PRKCA: variants seen among roughly 807,000 people sequenced by gnomAD.
PRKCA encodes the protein protein kinase C alpha.
A neutral mutation model predicts 87.0 loss-of-function variants in PRKCA; 27 were observed. The ratio of observed to expected loss-of-function variants is 0.31; its 90% confidence interval spans 0.23 to 0.43. PRKCA has a LOEUF of 0.43. PRKCA is among the 20% of genes least tolerant of loss of function. PRKCA has a pLI of 1.00. For missense variants in PRKCA, 518 were observed against 852.3 expected, an observed-to-expected ratio of 0.61 and a Z score of 4.88; for synonymous variants, 329 against 311.1, an observed-to-expected ratio of 1.06 and a Z score of -0.61.
chr17:66,540,327 A>G (rs1967939420), intron 3 of PRKCA, among the ~76,000 whole-genome samples: 2 of 152,196 alleles, frequency 1.3e-5, no homozygotes, highest in African/African-American at 4.8e-5. Flanking sequence ...TGGAGCCCTG[A>G]CTGTCTCTAA....
At chr17:66,653,342 C>T (rs183071273) in intron 5 of PRKCA, among the ~76,000 whole-genome samples, 57 of 152,254 alleles carry the variant, frequency 3.7e-4, no homozygotes, top group Admixed American at 3.2e-3. Flanking sequence ...TCCTGTAGTC[C>T]CAGCTACTCA....
intron 8 of PRKCA, among the ~76,000 whole-genome samples, chr17:66,715,809 C>G (rs1484709016): frequency 6.6e-6 from 1 of 152,070 alleles, no homozygotes; most frequent in African/African-American, 2.4e-5. Context: ...TGGGACTTCA[C>G]CTCGGTAAGG....
intron 3 of PRKCA, among the ~76,000 whole-genome samples, chr17:66,577,290 T>A (rs553153481): frequency 6.6e-6 from 1 of 152,260 alleles, no homozygotes; most frequent in Admixed American, 6.5e-5. Context: ...GCGATGGGGA[T>A]CTTTGCATCC....
chr17:66,302,723 C>G lies in PRKCA; in HGVS notation c.-129C>G, dbSNP rs1904567617. 1.5e-5 allele frequency: 9 copies of G among 589,194 alleles called. No homozygotes were observed. The highest frequency in any genetic ancestry group is 2.0e-5 in the African/African-American group (1 of 48,866). 36.5% of individuals were successfully genotyped at this position (589,194 alleles called of 1,614,324 possible). On this transcript the variant is annotated 5_prime_UTR_variant, in exon 1 of 17. Coordinates refer to ENST00000413366, the MANE Select transcript of PRKCA (RefSeq NM_002737.3). ...CCCCGCCGCGCCCCCTCGCCGCGAC[C>G]TCGGCCACCGGCCCGCGCCCCGCGC... is the stretch of plus-strand genomic sequence containing the variant.
chr17:66,756,434 G>A (rs879510371), intron 13 of PRKCA, among the ~76,000 whole-genome samples: 5 of 151,916 alleles, frequency 3.3e-5, no homozygotes, highest in Admixed American at 1.3e-4. Context: ...TCGTCGGACC[G>A]TAGCACACTT....
chr17:66,307,547 G>A (rs140697649), intron 2 of PRKCA, among the ~76,000 whole-genome samples: 19 of 152,256 alleles, frequency 1.2e-4, no homozygotes, highest in Middle Eastern at 3.4e-3. Context: ...GCTTGTCTGG[G>A]AGAAAGTGGT....
chr17:66,420,337 C>T (rs1307976872), intron 2 of PRKCA, among the ~76,000 whole-genome samples: 2 of 152,062 alleles, frequency 1.3e-5, no homozygotes, highest in African/African-American at 4.8e-5. Flanking sequence ...GTTTATGAAG[C>T]ATCAGCTTTG....
chr17:66,326,624 C>G (rs1387891350), intron 2 of PRKCA, among the ~76,000 whole-genome samples: 1 of 152,170 alleles, frequency 6.6e-6, no homozygotes, highest in South Asian at 2.1e-4. Flanking sequence ...TAATTGTGTG[C>G]CTGCCTCATG....
At chr17:66,385,360 A>G (rs916476721) in intron 2 of PRKCA, among the ~76,000 whole-genome samples, 5 of 152,226 alleles carry the variant, frequency 3.3e-5, no homozygotes, top group African/African-American at 1.2e-4. Flanking sequence ...TTTCATGGGA[A>G]TCAAGAACCT....
intron 12 of PRKCA, among the ~76,000 whole-genome samples, chr17:66,742,032 C>T (rs1170745742): frequency 6.6e-6 from 1 of 152,098 alleles, no homozygotes; most frequent in Non-Finnish European, 1.5e-5. Flanking sequence ...AACTGAATTC[C>T]TGTTATAGAT....
intron 3 of PRKCA, among the ~76,000 whole-genome samples, chr17:66,558,587 T>G (rs1968576079): frequency 6.6e-6 from 1 of 152,106 alleles, no homozygotes; most frequent in Non-Finnish European, 1.5e-5. Flanking sequence ...AGGAATCTGA[T>G]TCTCATCCAG....
intron 3 of PRKCA, among the ~76,000 whole-genome samples, chr17:66,531,663 TC>T (rs1250162331): frequency 6.6e-6 from 1 of 152,212 alleles, no homozygotes; most frequent in Non-Finnish European, 1.5e-5. Flanking sequence ...TTTGGTGGCC[TC>T]CTGTCACTGC....
At chr17:66,418,259 A>T (rs1461172413) in intron 2 of PRKCA, among the ~76,000 whole-genome samples, 1 of 152,192 alleles carries the variant, frequency 6.6e-6, no homozygotes, top group Non-Finnish European at 1.5e-5. Context: ...TAGTAAATGT[A>T]TATATGCATA....
intron 3 of PRKCA, among the ~76,000 whole-genome samples, chr17:66,578,189 C>T (rs1436922745): frequency 6.6e-6 from 1 of 151,606 alleles, no homozygotes; most frequent in Non-Finnish European, 1.5e-5. Flanking sequence ...TTGATATTTG[C>T]CTTTCATCTC....
intron 2 of PRKCA, among the ~76,000 whole-genome samples, chr17:66,322,840 A>T (rs1033149097): frequency 2.2e-4 from 33 of 152,158 alleles, no homozygotes; most frequent in Admixed American, 2.2e-3. Flanking sequence ...TGTAAAATAA[A>T]ACACATACAG....
chr17:66,420,169 G>A (rs558349821), intron 2 of PRKCA, among the ~76,000 whole-genome samples: 11 of 151,880 alleles, frequency 7.2e-5, no homozygotes, highest in Non-Finnish European at 1.3e-4. Flanking sequence ...ATGCCACCAC[G>A]CCCGGCTAAT....
intron 3 of PRKCA, among the ~76,000 whole-genome samples, chr17:66,548,788 T>A (rs1019548842): frequency 2.1e-5 from 3 of 145,594 alleles, no homozygotes; most frequent in African/African-American, 7.9e-5. Context: ...TCCTAGCGCC[T>A]ACCGAATACG....
intron 2 of PRKCA, among the ~76,000 whole-genome samples, chr17:66,418,440 C>CTTTTTTTTTTTTTTTTTT (rs113526885): frequency 7.0e-6 from 1 of 142,244 alleles, no homozygotes. Context: ...TTGTTTTAGC[C>CTTTTTTTTTTTTTTTTTT]TTTTTTTTTT....
intron 6 of PRKCA, among the ~76,000 whole-genome samples, chr17:66,687,671 A>G (rs1972666151): frequency 6.6e-6 from 1 of 152,184 alleles, no homozygotes; most frequent in Non-Finnish European, 1.5e-5. Flanking sequence ...TAACATAGAA[A>G]GTGTTATTGC....
Sources: allele counts gnomAD v4.1 joint callset (sites outside exome capture counted in the v4.1 genomes callset), GRCh38; gene constraint gnomAD v4.1.1; transcripts MANE v1.5; gene names NCBI Gene and HGNC (gene_info 2026-07-23, HGNC 2026-07-21).